SH3BGRL2: variants seen among roughly 807,000 people sequenced by gnomAD.
The protein encoded by SH3BGRL2 is SH3 domain binding glutamate rich protein like 2, also known as SH3 domain-binding glutamic acid-rich-like protein 2.
In SH3BGRL2, 21 loss-of-function variants were observed where a neutral mutation model predicts 14.8. The observed-to-expected ratio is 1.42, with a 90% confidence interval of 1.01 to 2.05. The LOEUF (loss-of-function observed/expected upper bound fraction) is 2.05. Among genes scored for constraint, SH3BGRL2 ranks in the 30% most tolerant of loss-of-function variants. The pLI, the probability that SH3BGRL2 is intolerant of heterozygous loss-of-function variation, is 0.00. For missense variants in SH3BGRL2, 147 were observed against 130.8 expected (o/e 1.12, Z -0.61); for synonymous variants, 50 against 47.8 (o/e 1.05, Z -0.19).
Position 79,673,747 on chromosome 6 carries a change from C to T in SH3BGRL2, c.179C>T (p.Thr60Ile). The change falls in exon 2 of 4, where the codon ACT becomes ATT. Residue 60 changes from threonine to isoleucine, a missense_variant. Thr to Ile is a moderately conservative substitution (Grantham distance 89). Transcript: ENST00000369838. ...YKNVPPEKKP[T>I]QGNPLPPQIF... ...AACGTCCCCCCGGAAAAGAAACCCACTCAGGGCAACCCCCTGCCACCTCAG... is the reference window on the plus strand; with the variant it reads ...AACGTCCCCCCGGAAAAGAAACCCATTCAGGGCAACCCCCTGCCACCTCAG... The T allele has an allele frequency of 6.2e-7, 1 of 1,614,114 alleles. No homozygotes were observed. The highest frequency in any genetic ancestry group is 2.2e-5 in the East Asian group (1 of 44,876).
chr6:79,658,465 C>T (rs914407037), intron 1 of SH3BGRL2, among the ~76,000 whole-genome samples: 24 of 152,298 alleles, frequency 1.6e-4, no homozygotes, highest in African/African-American at 4.3e-4. Flanking sequence ...CTGCAAAGCA[C>T]GTGAACTCAT....
At chr6:79,577,762 GGGACT>G in the SH3BGRL2 span, among the ~76,000 whole-genome samples, 1 of 152,182 alleles carries the variant, frequency 6.6e-6, no homozygotes, top group Non-Finnish European at 1.5e-5. Flanking sequence ...TCATCTCACT[GGGACT>G]GGTTGGACAG....
At chr6:79,614,392 C>A in the SH3BGRL2 span, among the ~76,000 whole-genome samples, 1 of 152,090 alleles carries the variant, frequency 6.6e-6, no homozygotes, top group Non-Finnish European at 1.5e-5. Context: ...GGAGAGCAAG[C>A]CTCCCTCTGG....
chr6:79,613,212 G>A, the SH3BGRL2 span, among the ~76,000 whole-genome samples: 1 of 152,174 alleles, frequency 6.6e-6, no homozygotes, highest in African/African-American at 2.4e-5. Context: ...AAAAGAATCT[G>A]CAGCTCAAAA....
chr6:79,579,624 G>A, the SH3BGRL2 span, among the ~76,000 whole-genome samples: 6 of 152,142 alleles, frequency 3.9e-5, no homozygotes, highest in East Asian at 3.9e-4. Context: ...CCACCAGGCC[G>A]GCCTTACAAG....
chr6:79,569,483 G>A, the SH3BGRL2 span, among the ~76,000 whole-genome samples: 5 of 152,140 alleles, frequency 3.3e-5, no homozygotes, highest in Admixed American at 2.0e-4. Flanking sequence ...ATATTTTGGG[G>A]TAAAATACTT....
intron 1 of SH3BGRL2, among the ~76,000 whole-genome samples, chr6:79,672,580 AAC>A (rs548247065): frequency 6.6e-5 from 10 of 152,274 alleles, no homozygotes; most frequent in Middle Eastern, 3.4e-3. Context: ...ATCTCTTTAA[AAC>A]ACAAACCTGG....
the SH3BGRL2 span, among the ~76,000 whole-genome samples, chr6:79,565,243 T>C: frequency 6.6e-6 from 1 of 152,200 alleles, no homozygotes; most frequent in Non-Finnish European, 1.5e-5. Flanking sequence ...GAAAATTCCC[T>C]TCTTTTCAGA....
the SH3BGRL2 span, among the ~76,000 whole-genome samples, chr6:79,551,514 T>C: frequency 6.6e-6 from 1 of 152,154 alleles, no homozygotes; most frequent in African/African-American, 2.4e-5. Context: ...CTATTTCTTA[T>C]AAAGAGTTAC....
At chr6:79,585,065 A>T in the SH3BGRL2 span, among the ~76,000 whole-genome samples, 1 of 151,634 alleles carries the variant, frequency 6.6e-6, no homozygotes, top group Non-Finnish European at 1.5e-5. Context: ...AAAAAAAAAA[A>T]TCTAAACAAA....
chr6:79,673,587 A>C, intron 1 of SH3BGRL2, 27 bp from the exon 2 acceptor site: 3 of 1,606,982 alleles, frequency 1.9e-6, no homozygotes, highest in Non-Finnish European at 2.6e-6. Context: ...AAGCGTATCT[A>C]CTTATTTGTT....
At chr6:79,625,628 A>T in the SH3BGRL2 span, among the ~76,000 whole-genome samples, 14,913 of 152,208 alleles carry the variant, frequency 0.098, 1,036 homozygotes, top group East Asian at 0.31. Flanking sequence ...ACAAATATTT[A>T]TAGGGTTTAT....
At chr6:79,618,954 A>G in the SH3BGRL2 span, among the ~76,000 whole-genome samples, 1 of 147,750 alleles carries the variant, frequency 6.8e-6, no homozygotes, top group Non-Finnish European at 1.5e-5. Context: ...CTGTGTTGCA[A>G]AGTTACTCGA....
chr6:79,638,120 G>T (rs1241866935), intron 1 of SH3BGRL2, among the ~76,000 whole-genome samples: 1 of 152,000 alleles, frequency 6.6e-6, no homozygotes, highest in Non-Finnish European at 1.5e-5. Flanking sequence ...TTTGTGTTGG[G>T]AATATTCAGA....
At chr6:79,690,918 T>C (rs557593424) in intron 2 of SH3BGRL2, among the ~76,000 whole-genome samples, 6 of 152,208 alleles carry the variant, frequency 3.9e-5, no homozygotes, top group Non-Finnish European at 8.8e-5. Context: ...AGAGGGGGTT[T>C]TCTCTAAAAA....
the SH3BGRL2 span, among the ~76,000 whole-genome samples, chr6:79,594,511 C>T: frequency 6.6e-6 from 1 of 152,060 alleles, no homozygotes; most frequent in African/African-American, 2.4e-5. Context: ...GCATGGGGAG[C>T]CAGAGACACT....
the SH3BGRL2 span, among the ~76,000 whole-genome samples, chr6:79,580,023 A>G: frequency 6.6e-6 from 1 of 152,228 alleles, no homozygotes; most frequent in Non-Finnish European, 1.5e-5. Flanking sequence ...ACAGACTTTA[A>G]ACCAACAAAG....
intron 1 of SH3BGRL2, among the ~76,000 whole-genome samples, chr6:79,650,067 A>G (rs557875791): frequency 8.6e-4 from 131 of 151,460 alleles, no homozygotes; most frequent in Non-Finnish European, 1.3e-3. Context: ...TTTGGAGTCA[A>G]GATGGAATGG....
the SH3BGRL2 span, among the ~76,000 whole-genome samples, chr6:79,626,063 A>G: frequency 2.0e-5 from 3 of 152,198 alleles, no homozygotes; most frequent in African/African-American, 7.2e-5. Context: ...AGGTAATATT[A>G]GTTAAGAACA....
Sources: allele counts gnomAD v4.1 joint callset (sites outside exome capture counted in the v4.1 genomes callset), GRCh38; gene constraint gnomAD v4.1.1; transcripts MANE v1.5; gene names NCBI Gene and HGNC (gene_info 2026-07-23, HGNC 2026-07-21).